Variants in IGSF5 observed in about 807,000 individuals in gnomAD.
IGSF5 encodes immunoglobulin superfamily 5 like.
IGSF5 carries 41 observed loss-of-function variants against 39.4 expected under a neutral mutation model. That is an observed-to-expected ratio of 1.04 (90% confidence interval 0.81 to 1.35). The LOEUF is 1.35. Ranked by LOEUF, IGSF5 falls within the 40% of genes most tolerant of loss-of-function variation. The probability of loss-of-function intolerance (pLI) is 0.00; values close to 1 mark genes in which losing one functional copy is unlikely to be tolerated. For synonymous variants in IGSF5, 183 were observed against 175.3 expected (o/e 1.04, Z -0.34); for missense variants, 487 against 494.6 (o/e 0.98, Z 0.15).
At chr21:39,734,316 G>A in the IGSF5 span, among the ~76,000 whole-genome samples, 2 of 151,328 alleles carry the variant, frequency 1.3e-5, no homozygotes, top group Non-Finnish European at 2.9e-5. Context: ...CCAGCTGCTC[G>A]GCAGGCTGAG....
chr21:39,792,068 C>T lies in IGSF5; in HGVS notation c.1017C>T (p.Ser339=), dbSNP rs370289405. The part of the protein sequence containing the change: ...ETETESGNEN[S]GYNSDEQKTT... ...AGACAGAAAGTGGAAATGAAAACTC[C>T]GGCTACAATTCAGATGAACAAAAGA... The change falls in exon 7 of 9, where the codon TCC becomes TCT. Residue 339 remains serine (S), a synonymous_variant. Coordinates refer to ENST00000380588, the MANE Select transcript of IGSF5 (RefSeq NM_001080444.2). The T allele has an allele frequency of 1.1e-4, 177 of 1,610,574 alleles. No individual in the cohort carries two copies. Among genetic ancestry groups the T allele is most frequent in the Middle Eastern group, 1.6e-4 (1 of 6,076 alleles).
the IGSF5 span, among the ~76,000 whole-genome samples, chr21:39,738,408 A>G: frequency 2.0e-5 from 3 of 152,234 alleles, no homozygotes; most frequent in Non-Finnish European, 2.9e-5. This position sits in a 1 kb window ranked among gnomAD's most constrained non-coding sequence, Gnocchi z 6.4. Flanking sequence ...ATACGCAGGA[A>G]TTAACGGAGC....
At chr21:39,773,429 T>C (rs1230395668) in intron 4 of IGSF5, among the ~76,000 whole-genome samples, 1 of 152,216 alleles carries the variant, frequency 6.6e-6, no homozygotes, top group Non-Finnish European at 1.5e-5. Context: ...TATCTCTTAA[T>C]TGGCTTTCTT....
At chr21:39,792,528 T>TA (rs533983517) in intron 7 of IGSF5, among the ~76,000 whole-genome samples, 1 of 127,668 alleles carries the variant, frequency 7.8e-6, no homozygotes. Flanking sequence ...TAAAGTATAA[T>TA]AAAAAAAATT....
intron 2 of IGSF5, among the ~76,000 whole-genome samples, chr21:39,754,129 C>A (rs2080018660): frequency 6.6e-6 from 1 of 152,176 alleles, no homozygotes; most frequent in African/African-American, 2.4e-5. Flanking sequence ...GGGTGCATAT[C>A]AAACTTCTGT....
At chr21:39,744,780 T>C (rs1381012373), upstream of IGSF5, among the ~76,000 whole-genome samples, 2 of 152,268 alleles carry the variant, frequency 1.3e-5, no homozygotes, top group Admixed American at 1.3e-4. Context: ...TGGTGAGGTG[T>C]GCTCACAGCG....
At chr21:39,800,830 T>C (rs1307171966) in intron 8 of IGSF5, among the ~76,000 whole-genome samples, 2 of 152,226 alleles carry the variant, frequency 1.3e-5, no homozygotes, top group Non-Finnish European at 2.9e-5. Flanking sequence ...TTCTCCCTGA[T>C]AGGGAAAAGA....
At chr21:39,780,271 C>T (rs117391672) in intron 5 of IGSF5, among the ~76,000 whole-genome samples, 2,725 of 152,200 alleles carry the variant, frequency 0.018, 38 homozygotes, top group Non-Finnish European at 0.027. Context: ...TTGAAAGAAA[C>T]GGTGGCAAAT....
At position 39,779,186 on chromosome 21, in the gene IGSF5, C is replaced by T. The variant is rs780473003; in HGVS notation, c.815C>T (p.Ala272Val). 2.5e-6 allele frequency: 4 copies of T among 1,613,984 alleles called. No individual in the cohort carries two copies. In the African/African-American group the frequency reaches 5.3e-5, roughly 22 times the overall value. Residue 272 changes from alanine to valine, a missense_variant, in exon 5 of 9, where the codon GCA becomes GTA. Coordinates refer to ENST00000380588, the MANE Select transcript of IGSF5 (RefSeq NM_001080444.2). ...PTWGKVGLGLAGTMLLTPTCT... is the reference protein window; with the variant it reads ...PTWGKVGLGLVGTMLLTPTCT... ...TGGGGCAAAGTTGGACTTGGACTAG[C>T]AGGCACCATGCTTCTGACGCCGACG...
chr21:39,790,175 C>T (rs888364005), intron 6 of IGSF5, among the ~76,000 whole-genome samples: 6 of 152,124 alleles, frequency 3.9e-5, no homozygotes, highest in Non-Finnish European at 8.8e-5. Context: ...GCATCAATGG[C>T]GTCATTTTGT....
At chr21:39,788,347 G>A (rs7279845) in intron 6 of IGSF5, among the ~76,000 whole-genome samples, 159 bp downstream of exon 6, 1 of 152,166 alleles carries the variant, frequency 6.6e-6, no homozygotes, top group African/African-American at 2.4e-5. Context: ...CACGTATGCC[G>A]ATCACAAACT....
rs75559654 is a variant in IGSF5 at position 39,756,598 on chromosome 21, A to G, written c.101-8937A>G. 2.6e-5 allele frequency among the ~76,000 whole-genome samples: 4 copies of G among 151,956 alleles called. No homozygotes were observed. The East Asian group carries it at 7.8e-4, about 30-fold the overall frequency. On this transcript the variant is annotated intron_variant, in intron 2 of 8. Transcript: ENST00000380588. ...AATGTGTGTAGATGCCAAAGCTGAA[A>G]TGAGAACCGTCCGGGTCACTGGACT... is the stretch of plus-strand genomic sequence containing the variant.
chr21:39,745,048 A>G (rs2079966067), upstream of IGSF5, among the ~76,000 whole-genome samples: 3 of 131,188 alleles, frequency 2.3e-5, no homozygotes, highest in Admixed American at 7.2e-5. Flanking sequence ...TTAAAGGAAT[A>G]GGGCACACTT....
chr21:39,724,170 T>C, the IGSF5 span, among the ~76,000 whole-genome samples: 2 of 152,190 alleles, frequency 1.3e-5, no homozygotes, highest in Admixed American at 6.5e-5. Flanking sequence ...AAAATTCTTA[T>C]CTCTGTATTA....
At chr21:39,715,782 C>T in the IGSF5 span, among the ~76,000 whole-genome samples, 1 of 152,028 alleles carries the variant, frequency 6.6e-6, no homozygotes, top group African/African-American at 2.4e-5. Flanking sequence ...TGATCATTCA[C>T]GGGCTTTATA....
chr21:39,773,632 A>G (rs761846798), intron 4 of IGSF5, among the ~76,000 whole-genome samples: 38 of 152,016 alleles, frequency 2.5e-4, no homozygotes, highest in Non-Finnish European at 1.5e-4. Flanking sequence ...ACATCCCCCT[A>G]TTAGTTTTTG....
Position 39,791,990 on chromosome 21 carries a change from A to T in IGSF5, c.957-18A>T. 5.8e-6 allele frequency: 9 copies of T among 1,542,698 alleles called. No individual in the cohort carries two copies. Among genetic ancestry groups the T allele is most frequent in the Non-Finnish European group, 8.0e-6 (9 of 1,121,728 alleles). On this transcript the variant is annotated intron_variant, in intron 6 of 8. Coordinates refer to ENST00000380588, the MANE Select transcript of IGSF5 (RefSeq NM_001080444.2). ...TAATGCCAACAATTAACATGAACATAAAATGGTCTAATTGTAGGAAATCTG... is the reference window on the plus strand; with the variant it reads ...TAATGCCAACAATTAACATGAACATTAAATGGTCTAATTGTAGGAAATCTG...
intron 8 of IGSF5, 127 bp downstream of exon 8, chr21:39,793,740 C>T (rs977742105): frequency 6.6e-6 from 5 of 753,016 alleles, no homozygotes; most frequent in Non-Finnish European, 1.1e-5. Context: ...CTTTCCTCCC[C>T]TCCATATCAG....
chr21:39,742,789 T>TA (rs397743300), upstream of IGSF5, among the ~76,000 whole-genome samples: 4 of 152,020 alleles, frequency 2.6e-5, no homozygotes, highest in Non-Finnish European at 4.4e-5. Context: ...GCCTTTTTTT[T>TA]ATCCTGTTTG....
Sources: gnomAD v4.1 joint callset for allele counts (sites outside exome capture counted in the v4.1 genomes callset) on GRCh38, gnomAD v4.1.1 for gene constraint, Gnocchi (gnomAD v3.1) non-coding constraint, MANE v1.5 for transcripts, NCBI Gene and HGNC (gene_info 2026-07-23, HGNC 2026-07-21) for gene names.